MAP4K5: variants seen among roughly 807,000 people sequenced by gnomAD.
The protein encoded by MAP4K5 is mitogen-activated protein kinase kinase kinase kinase 5.
Under a neutral mutation model 135.6 loss-of-function variants are expected in MAP4K5, and 82 were observed. The ratio of observed to expected loss-of-function variants is 0.60; its 90% CI spans 0.51 to 0.73. The LOEUF is 0.73. Among genes scored for constraint, MAP4K5 ranks in the 30% least tolerant of loss-of-function variants. The pLI is 0.00. For synonymous variants in MAP4K5, 347 were observed against 335.0 expected (o/e 1.04, Z -0.39); for missense variants, 907 against 1,010.9 (o/e 0.90, Z 1.39).
intron 28 of MAP4K5, among the ~76,000 whole-genome samples, chr14:50,432,402 T>C (rs539314236): frequency 8.5e-5 from 13 of 152,282 alleles, no homozygotes; most frequent in African/African-American, 3.1e-4. Flanking sequence ...TTTGGGTCTT[T>C]ACTCCCTCAG....
At chr14:50,456,729 T>G (rs1431164873) in intron 13 of MAP4K5, 135 bp from the exon 14 acceptor site, 1 of 616,074 alleles carries the variant, frequency 1.6e-6, no homozygotes, top group Non-Finnish European at 2.8e-6. Context: ...ACAAATACAA[T>G]GAACGCTACA....
upstream of MAP4K5, among the ~76,000 whole-genome samples, chr14:50,534,898 T>G (rs933771843): frequency 6.6e-6 from 1 of 152,228 alleles, no homozygotes; most frequent in African/African-American, 2.4e-5. Flanking sequence ...CTGAGTAAAT[T>G]TAATTTTACA....
chr14:50,446,135 G>A lies in MAP4K5; in HGVS notation c.1143-14C>T, dbSNP rs2036342439. The A allele has an allele frequency of 1.3e-6, 2 of 1,545,842 alleles. No individual in the cohort carries two copies. Among genetic ancestry groups the A allele is most frequent in the Non-Finnish European group, 1.8e-6 (2 of 1,141,508 alleles). The stretch of plus-strand genomic sequence containing the variant: ...TTTGAGGTTGATCTAATACAAAGAA[G>A]AAATGCAATTTAGATGATGATAAAT... On this transcript the variant is annotated splice_polypyrimidine_tract_variant and intron_variant, in intron 16 of 32. Coordinates refer to ENST00000682126, the MANE Select transcript of MAP4K5 (RefSeq NM_006575.6).
At chr14:50,471,387 G>A (rs1159647391) in intron 9 of MAP4K5, among the ~76,000 whole-genome samples, 1 of 152,104 alleles carries the variant, frequency 6.6e-6, no homozygotes, top group South Asian at 2.1e-4. Flanking sequence ...GGGGTTGCAT[G>A]CCCCTAGCCA....
intron 13 of MAP4K5, among the ~76,000 whole-genome samples, chr14:50,461,011 T>C (rs1283254419): frequency 6.6e-6 from 1 of 152,180 alleles, no homozygotes; most frequent in Admixed American, 6.6e-5. Flanking sequence ...CAATGAGTGC[T>C]AGTAGTTACT....
At position 50,462,700 on chromosome 14, in the gene MAP4K5, C is replaced by G. The variant is rs368497445; in HGVS notation, c.901G>C (p.Ala301Pro). 4.4e-6 allele frequency: 7 copies of G among 1,605,354 alleles called. No individual in the cohort carries two copies. Among genetic ancestry groups the G allele is most frequent in the Middle Eastern group, 1.7e-4 (1 of 6,060 alleles). ...TCGTCATCTGCTTCAGTGTAATGTG[C>G]GTGGTTATCTGGATTGTTCACTTTG... Reference protein sequence around the residue: ...LDKVNNPDNHAHYTEADDDDF... With the variant: ...LDKVNNPDNHPHYTEADDDDF... Residue 301 changes from alanine (A) to proline (P), a missense_variant, in exon 13 of 33, where the codon GCA (alanine) becomes CCA (proline). Around this residue, in one of 3 missense-constraint regions of MAP4K5, gnomAD observed 690 missense variants for 777.4 expected, o/e 0.89. Coordinates refer to ENST00000682126, the MANE Select transcript of MAP4K5 (RefSeq NM_006575.6).
intron 28 of MAP4K5, 28 bp from the exon 29 acceptor site, chr14:50,429,288 T>C (rs1369198534): frequency 1.4e-6 from 2 of 1,401,574 alleles, no homozygotes; most frequent in African/African-American, 2.9e-5. Context: ...AAGGTTACAA[T>C]TATACTTTTA....
At chr14:50,543,690 G>A (rs1271254169) in intron 1 of MAP4K5, among the ~76,000 whole-genome samples, 1 of 152,136 alleles carries the variant, frequency 6.6e-6, no homozygotes, top group South Asian at 2.1e-4. Context: ...ACTCAACCCA[G>A]TCACCATTAT....
chr14:50,469,953 T>A (rs1374559640), intron 9 of MAP4K5, among the ~76,000 whole-genome samples: 4 of 152,200 alleles, frequency 2.6e-5, no homozygotes, highest in African/African-American at 4.8e-5. Flanking sequence ...GGTTAGCATA[T>A]AAAGTATGTA....
At chr14:50,476,456 ATATTT>A (rs568718117) in intron 6 of MAP4K5, 150 bp from the exon 7 acceptor site, 30 of 465,622 alleles carry the variant, frequency 6.4e-5, no homozygotes, top group Admixed American at 3.9e-4. Flanking sequence ...AATGTTTACT[ATATTT>A]TAAAGATTTG....
At chr14:50,440,133 C>A in intron 22 of MAP4K5, 60 bp from the exon 23 acceptor site, 2 of 1,072,244 alleles carry the variant, frequency 1.9e-6, no homozygotes, top group Non-Finnish European at 1.3e-6. Flanking sequence ...TTTTAAATTC[C>A]AACATTCTGA....
intron 3 of MAP4K5, among the ~76,000 whole-genome samples, chr14:50,487,651 C>T (rs1428034953): frequency 6.6e-6 from 1 of 152,048 alleles, no homozygotes; most frequent in Non-Finnish European, 1.5e-5. Flanking sequence ...AATGGTTTTA[C>T]AATAAAAGAG....
chr14:50,473,342 G>A (rs571772198), intron 9 of MAP4K5, among the ~76,000 whole-genome samples: 1 of 151,752 alleles, frequency 6.6e-6, no homozygotes, highest in African/African-American at 2.4e-5. Flanking sequence ...GCACAAATAA[G>A]TCTATGCCAT....
chr14:50,526,756 A>C (rs1003345154), intron 2 of MAP4K5, among the ~76,000 whole-genome samples: 1 of 152,236 alleles, frequency 6.6e-6, no homozygotes, highest in Non-Finnish European at 1.5e-5. Flanking sequence ...TTGTCTCTAT[A>C]AAATGGGATC....
intron 3 of MAP4K5, among the ~76,000 whole-genome samples, chr14:50,487,201 G>A (rs1241027890): frequency 6.6e-6 from 1 of 152,084 alleles, no homozygotes; most frequent in Non-Finnish European, 1.5e-5. Flanking sequence ...CCAGCTACTC[G>A]GGAGGCTAAG....
chr14:50,474,154 G>T (rs1421710130), intron 9 of MAP4K5, among the ~76,000 whole-genome samples: 1 of 152,078 alleles, frequency 6.6e-6, no homozygotes, highest in Non-Finnish European at 1.5e-5. Context: ...TGTAATCTCA[G>T]CACTTTGGGA....
intron 3 of MAP4K5, among the ~76,000 whole-genome samples, chr14:50,498,849 C>G (rs1275958138): frequency 1.3e-5 from 2 of 152,154 alleles, no homozygotes; most frequent in Non-Finnish European, 2.9e-5. Flanking sequence ...ACCAGTTCAT[C>G]TGTTAAATCA....
chr14:50,530,727 C>T (rs1020707754), intron 2 of MAP4K5, among the ~76,000 whole-genome samples: 3 of 152,192 alleles, frequency 2.0e-5, no homozygotes, highest in Non-Finnish European at 2.9e-5. Context: ...CACCTCAGTA[C>T]CTCTACCAGT....
At chr14:50,556,825 C>T (rs1489472988) in intron 1 of MAP4K5, among the ~76,000 whole-genome samples, 1 of 152,154 alleles carries the variant, frequency 6.6e-6, no homozygotes, top group East Asian at 1.9e-4. Context: ...TATTGGTACT[C>T]AATAACTTTT....
Sources: allele counts gnomAD v4.1 joint callset (sites outside exome capture counted in the v4.1 genomes callset), GRCh38; gene constraint gnomAD v4.1.1; regional missense constraint gnomAD v4.1.1; transcripts MANE v1.5; gene names NCBI Gene and HGNC (gene_info 2026-07-23, HGNC 2026-07-21).